Variants in DTNA observed in about 807,000 individuals in gnomAD.
DTNA encodes the protein dystrobrevin alpha.
A neutral mutation model predicts 100.7 loss-of-function variants in DTNA; 43 were observed. The ratio of observed to expected loss-of-function variants is 0.43; its 90% CI spans 0.33 to 0.55. The LOEUF (loss-of-function observed/expected upper bound fraction) is 0.55, where lower values mean the gene tolerates loss of function less well. Among genes scored for constraint, DTNA ranks in the 20% least tolerant of loss-of-function variants. The pLI is 0.04. For synonymous variants in DTNA, 349 were observed against 347.9 expected (o/e 1.00, Z -0.04); for missense variants, 798 against 953.9 (o/e 0.84, Z 2.15).
At chr18:34,879,132 T>A (rs1440487680) in intron 19 of DTNA, among the ~76,000 whole-genome samples, 1 of 152,234 alleles carries the variant, frequency 6.6e-6, no homozygotes, top group Non-Finnish European at 1.5e-5. Context: ...GTGATAGGGT[T>A]CACTTAATAT....
At chr18:34,537,624 A>G (rs558648690) in intron 1 of DTNA, among the ~76,000 whole-genome samples, 2 of 152,128 alleles carry the variant, frequency 1.3e-5, no homozygotes, top group African/African-American at 4.8e-5. Context: ...GGCATCTCAA[A>G]TGTGATAAAT....
intron 1 of DTNA, among the ~76,000 whole-genome samples, chr18:34,571,503 G>A (rs2047586196): frequency 1.3e-5 from 2 of 152,114 alleles, no homozygotes; most frequent in Non-Finnish European, 2.9e-5. Flanking sequence ...CACTTTGGGA[G>A]GCTGAAGCAG....
chr18:34,667,483 G>A lies in DTNA; in HGVS notation c.-1-88493G>A, dbSNP rs1320595916. ...ATGTTGAAAAGGAGTGGTGAGAGAG[G>A]GCATCCCTGTCTTGTGCCAGTTTTC... On this transcript the variant is annotated intron_variant, in intron 1 of 19. Transcript: ENST00000283365. Among the ~76,000 whole-genome samples the A allele has an allele frequency of 3.3e-5, 5 of 152,124 alleles. No individual in the cohort carries two copies. The East Asian group carries it at 9.6e-4, about 29-fold the overall frequency.
At chr18:34,812,909 C>T (rs925808835) in intron 6 of DTNA, among the ~76,000 whole-genome samples, 5 of 152,160 alleles carry the variant, frequency 3.3e-5, no homozygotes, top group Non-Finnish European at 5.9e-5. Flanking sequence ...CACATCATGA[C>T]CTGAGAGGCC....
At chr18:34,646,042 T>TAAAA (rs2059798524) in intron 1 of DTNA, among the ~76,000 whole-genome samples, 1 of 152,170 alleles carries the variant, frequency 6.6e-6, no homozygotes, top group African/African-American at 2.4e-5. Context: ...TGTACTCTCT[T>TAAAA]AGCTGGTATT....
At chr18:34,690,568 T>C (rs2079609776) in intron 1 of DTNA, among the ~76,000 whole-genome samples, 2 of 152,228 alleles carry the variant, frequency 1.3e-5, no homozygotes, top group African/African-American at 2.4e-5. Context: ...AGACTGGAGC[T>C]GTTCCTATTC....
intron 1 of DTNA, among the ~76,000 whole-genome samples, chr18:34,516,107 A>AT (rs1486584942): frequency 6.6e-6 from 1 of 152,010 alleles, no homozygotes; most frequent in African/African-American, 2.4e-5. Flanking sequence ...GTTCTTTTCT[A>AT]TTTTCCCTAA....
intron 1 of DTNA, among the ~76,000 whole-genome samples, chr18:34,666,205 C>T (rs1283603607): frequency 6.6e-6 from 1 of 152,102 alleles, no homozygotes; most frequent in Non-Finnish European, 1.5e-5. Flanking sequence ...TGTCTGTTGG[C>T]TGCATAAATG....
At chr18:34,710,815 G>A (rs1475348511) in intron 1 of DTNA, among the ~76,000 whole-genome samples, 1 of 151,880 alleles carries the variant, frequency 6.6e-6, no homozygotes, top group African/African-American at 2.4e-5. Context: ...AAAATGGTCC[G>A]CTTTTCTTAG....
intron 15 of DTNA, among the ~76,000 whole-genome samples, chr18:34,855,013 A>G (rs1429916030): frequency 1.3e-5 from 2 of 152,164 alleles, no homozygotes; most frequent in African/African-American, 4.8e-5. Context: ...GACCCACTTC[A>G]CCATCATTGT....
chr18:34,732,351 C>A (rs547669225), intron 1 of DTNA, among the ~76,000 whole-genome samples: 13 of 152,312 alleles, frequency 8.5e-5, no homozygotes, highest in African/African-American at 3.1e-4. Context: ...AGGAATATAA[C>A]TCATTCTTAT....
At chr18:34,874,903 G>A (rs992364950) in intron 17 of DTNA, among the ~76,000 whole-genome samples, 18 of 152,054 alleles carry the variant, frequency 1.2e-4, no homozygotes, top group Admixed American at 5.9e-4. Context: ...CTTAGTCCTC[G>A]GAGACCTTCC....
intron 13 of DTNA, among the ~76,000 whole-genome samples, chr18:34,842,716 G>A (rs1287921674): frequency 6.6e-6 from 1 of 152,106 alleles, no homozygotes; most frequent in African/African-American, 2.4e-5. Context: ...ACATGAACTT[G>A]CTTGTCTAGC....
intron 4 of DTNA, among the ~76,000 whole-genome samples, chr18:34,795,099 T>C (rs746360040): frequency 9.2e-5 from 14 of 152,184 alleles, no homozygotes; most frequent in Non-Finnish European, 1.8e-4. Flanking sequence ...CCACTTCCAC[T>C]GCTTGTTTTG....
intron 4 of DTNA, among the ~76,000 whole-genome samples, chr18:34,801,523 T>C (rs2095211508): frequency 6.6e-6 from 1 of 150,920 alleles, no homozygotes; most frequent in East Asian, 1.9e-4. Context: ...CTTTTTTTTT[T>C]TTTTTTGAGA....
At chr18:34,816,415 A>C (rs2095598718) in intron 7 of DTNA, among the ~76,000 whole-genome samples, 1 of 152,226 alleles carries the variant, frequency 6.6e-6, no homozygotes, top group African/African-American at 2.4e-5. Context: ...GAGAAAAAAA[A>C]ATAGATGATA....
chr18:34,884,628 G>C, intron 21 of DTNA, 100 bp from the exon 22 acceptor site: 1 of 1,249,408 alleles, frequency 8.0e-7, no homozygotes, highest in Non-Finnish European at 1.2e-6. Context: ...CTCTCTCTCT[G>C]TGTCTTTGTG....
chr18:34,496,839 T>C (rs2039295120), intron 1 of DTNA, among the ~76,000 whole-genome samples: 2 of 152,204 alleles, frequency 1.3e-5, no homozygotes, highest in African/African-American at 4.8e-5. Context: ...TGAGAAGGTG[T>C]GTACTAATTC....
intron 1 of DTNA, among the ~76,000 whole-genome samples, chr18:34,667,642 G>C (rs1295413336): frequency 6.6e-6 from 1 of 152,138 alleles, no homozygotes. Context: ...AAGGGCTGTT[G>C]AATTTTGTCA....
Sources: allele counts gnomAD v4.1 joint callset (sites outside exome capture counted in the v4.1 genomes callset), GRCh38; gene constraint gnomAD v4.1.1; transcripts MANE v1.5; gene names NCBI Gene and HGNC (gene_info 2026-07-23, HGNC 2026-07-21).